CNTN4: variants seen among roughly 807,000 people sequenced by gnomAD.
The protein encoded by CNTN4 is contactin 4, also known as contactin-4.
CNTN4 carries 77 observed loss-of-function variants against 122.5 expected under a neutral mutation model. That is an observed-to-expected ratio of 0.63 (90% CI 0.52 to 0.76). The LOEUF is 0.76. Ranked by LOEUF, CNTN4 falls within the 30% of genes least tolerant of loss-of-function variation. The probability of loss-of-function intolerance (pLI) is 0.00; values close to 1 mark genes in which losing one functional copy is unlikely to be tolerated. For missense variants in CNTN4, 1,256 were observed against 1,259.1 expected, an observed-to-expected ratio of 1.00 and a Z score of 0.04; for synonymous variants, 512 against 447.0, an observed-to-expected ratio of 1.15 and a Z score of -1.83.
At chr3:2,772,952 G>T (rs1462673029) in intron 6 of CNTN4, among the ~76,000 whole-genome samples, 2 of 152,160 alleles carry the variant, frequency 1.3e-5, no homozygotes, top group East Asian at 3.9e-4. Flanking sequence ...ATATTTTCAG[G>T]AAGCAGTTGA....
At chr3:2,840,788 C>T (rs1246335642) in intron 7 of CNTN4, among the ~76,000 whole-genome samples, 2 of 152,152 alleles carry the variant, frequency 1.3e-5, no homozygotes, top group African/African-American at 4.8e-5. Context: ...AGCGAGACTA[C>T]TGGAGTAAGA....
intron 3 of CNTN4, among the ~76,000 whole-genome samples, chr3:2,540,859 A>T (rs1393277646): frequency 1.3e-5 from 2 of 152,174 alleles, no homozygotes; most frequent in African/African-American, 4.8e-5. Flanking sequence ...AATGAAAAGG[A>T]TCAGATAGGA....
At chr3:2,505,191 A>G (rs150566287) in intron 3 of CNTN4, among the ~76,000 whole-genome samples, 1 of 152,318 alleles carries the variant, frequency 6.6e-6, no homozygotes, top group African/African-American at 2.4e-5. Flanking sequence ...ACAAAGTGTC[A>G]TGATGTCTGC....
At chr3:2,549,754 GA>G (rs1220901808) in intron 3 of CNTN4, among the ~76,000 whole-genome samples, 1 of 152,090 alleles carries the variant, frequency 6.6e-6, no homozygotes, top group Non-Finnish European at 1.5e-5. Flanking sequence ...CTGTTGTTTG[GA>G]ATAGTTTCAG....
intron 13 of CNTN4, among the ~76,000 whole-genome samples, chr3:2,983,287 T>TA (rs1173590007): frequency 8.4e-6 from 1 of 118,972 alleles, no homozygotes; most frequent in Non-Finnish European, 1.7e-5. Context: ...AGGTATTTAG[T>TA]AAAGAACTAT....
chr3:2,711,372 C>T (rs552685523), intron 4 of CNTN4, among the ~76,000 whole-genome samples: 95 of 152,106 alleles, frequency 6.2e-4, no homozygotes, highest in African/African-American at 2.2e-3. Context: ...TTTTAAGAGC[C>T]GCTATGAATC....
chr3:2,722,837 A>G (rs2087946388), intron 4 of CNTN4, among the ~76,000 whole-genome samples: 1 of 152,174 alleles, frequency 6.6e-6, no homozygotes, highest in Non-Finnish European at 1.5e-5. Flanking sequence ...CTCTTTTATA[A>G]TGTTTTCTAT....
At chr3:2,862,023 C>T (rs937623495) in intron 7 of CNTN4, among the ~76,000 whole-genome samples, 1 of 152,206 alleles carries the variant, frequency 6.6e-6, no homozygotes, top group African/African-American at 2.4e-5. Context: ...CCATCCCTGC[C>T]ACTTGTCAAA....
chr3:2,317,607 G>C (rs372464230), intron 2 of CNTN4, among the ~76,000 whole-genome samples: 1 of 152,074 alleles, frequency 6.6e-6, no homozygotes, highest in Non-Finnish European at 1.5e-5. Context: ...CTACCATTCC[G>C]TTCTAATGGA....
At chr3:2,558,262 TA>T (rs756225148) in intron 3 of CNTN4, among the ~76,000 whole-genome samples, 6 of 152,340 alleles carry the variant, frequency 3.9e-5, no homozygotes, top group Admixed American at 6.5e-5. Context: ...CACTGTTAAC[TA>T]AACAACAGAC....
chr3:2,153,953 G>T (rs1366221227), intron 2 of CNTN4, among the ~76,000 whole-genome samples: 1 of 152,082 alleles, frequency 6.6e-6, no homozygotes, highest in Non-Finnish European at 1.5e-5. Flanking sequence ...ATGTATATGA[G>T]AATTATGTTT....
At chr3:2,352,560 G>T (rs1228062198) in intron 3 of CNTN4, among the ~76,000 whole-genome samples, 1 of 152,184 alleles carries the variant, frequency 6.6e-6, no homozygotes, top group Admixed American at 6.5e-5. Context: ...GGGATGCCAG[G>T]TTCCCCAGCA....
At chr3:2,628,630 T>C (rs1463786018) in intron 4 of CNTN4, among the ~76,000 whole-genome samples, 22 of 152,228 alleles carry the variant, frequency 1.4e-4, no homozygotes, top group Admixed American at 1.4e-3. Context: ...GTCGGTGAAA[T>C]GAGAACAAAG....
At chr3:2,252,317 T>TA (rs2040409581) in intron 2 of CNTN4, among the ~76,000 whole-genome samples, 1 of 151,712 alleles carries the variant, frequency 6.6e-6, no homozygotes, top group South Asian at 2.1e-4. Context: ...ATTAGGTTTT[T>TA]AAATCACCTT....
chr3:2,294,951 G>T (rs1171104051), intron 2 of CNTN4, among the ~76,000 whole-genome samples: 17 of 152,026 alleles, frequency 1.1e-4, no homozygotes, highest in East Asian at 7.8e-4. Flanking sequence ...CCTTGTGATA[G>T]TTTGCTGAGA....
At chr3:2,177,924 T>G (rs2036829512) in intron 2 of CNTN4, among the ~76,000 whole-genome samples, 1 of 152,120 alleles carries the variant, frequency 6.6e-6, no homozygotes, top group Non-Finnish European at 1.5e-5. Flanking sequence ...TGCCTTGCTT[T>G]TCTTTCTCTA....
intron 3 of CNTN4, among the ~76,000 whole-genome samples, chr3:2,528,201 G>A (rs1166233057): frequency 6.6e-6 from 1 of 152,034 alleles, no homozygotes; most frequent in African/African-American, 2.4e-5. Flanking sequence ...TATGTTGATT[G>A]GACTGCCTCC....
At chr3:2,233,271 C>T (rs7616591) in intron 2 of CNTN4, among the ~76,000 whole-genome samples, 21,673 of 152,074 alleles carry the variant, frequency 0.14, 1,937 homozygotes, top group Non-Finnish European at 0.21. Flanking sequence ...ACTCTTCACT[C>T]AATAAAATCA....
intron 2 of CNTN4, among the ~76,000 whole-genome samples, chr3:2,336,928 TGA>T (rs969096187): frequency 2.6e-5 from 4 of 152,150 alleles, no homozygotes; most frequent in African/African-American, 4.8e-5. Flanking sequence ...TCAAAATCTC[TGA>T]GAGAGAATCT....
Sources: gnomAD v4.1 joint callset for allele counts (sites outside exome capture counted in the v4.1 genomes callset) on GRCh38, gnomAD v4.1.1 for gene constraint, MANE v1.5 for transcripts, NCBI Gene and HGNC (gene_info 2026-07-23, HGNC 2026-07-21) for gene names.